The following CMC2 variants were observed in gnomAD, a reference collection of about 807,000 sequenced individuals.
CMC2 encodes the protein C-X9-C motif containing 2.
A neutral mutation model predicts 7.5 loss-of-function variants in CMC2; 5 were observed. The ratio of observed to expected loss-of-function variants is 0.66; its 90% CI spans 0.35 to 1.40. The LOEUF is 1.40. Among genes scored for constraint, CMC2 ranks in the 40% most tolerant of loss-of-function variants. The pLI is 0.04. For missense variants in CMC2, 115 were observed against 92.3 expected (o/e 1.25, Z -1.01); for synonymous variants, 37 against 31.4 (o/e 1.18, Z -0.60).
At chr16:80,983,669 A>G (rs770062455) in intron 2 of CMC2, 1 of 152,230 alleles carries the variant, frequency 6.6e-6, no homozygotes, top group Non-Finnish European at 1.5e-5. Flanking sequence ...CCCATTCAAA[A>G]TGTCACCAAA....
At chr16:80,980,697 C>A in intron 3 of CMC2, 1 of 561,234 alleles carries the variant, frequency 1.8e-6, no homozygotes, top group Non-Finnish European at 3.2e-6. Flanking sequence ...TGAGACCAGC[C>A]TGGCCAAAAC....
At chr16:80,984,329 C>A (rs796656541) in intron 2 of CMC2, among the ~76,000 whole-genome samples, 28 of 152,276 alleles carry the variant, frequency 1.8e-4, no homozygotes, top group African/African-American at 6.7e-4. Context: ...ATAATAAGCA[C>A]ATCTTTTCCT....
rs1452419005 is a variant in CMC2, at chr16:80,978,210, TACCTG to T, written c.154-2036_154-2032del. Reference sequence around the variant, plus strand: ...AAACGTATTCTAGAACAAGGAAGGATACCTGCTCTGAGAAAAAGCTTTCATATCTA... The same window carrying T: ...AAACGTATTCTAGAACAAGGAAGGATCTCTGAGAAAAAGCTTTCATATCTA... On this transcript the variant is annotated intron_variant, in intron 3 of 3. Coordinates refer to ENST00000219400, the MANE Select transcript of CMC2 (RefSeq NM_020188.5). The T allele has an allele frequency of 4.1e-6, 4 of 970,970 alleles. No individual in the cohort carries two copies. In the African/African-American group the frequency reaches 5.3e-5, roughly 13 times the overall value. 60.1% of individuals were successfully genotyped at this position (970,970 alleles called of 1,614,324 possible). A position where few individuals can be genotyped will look rare whatever the true frequency, so the allele number is the denominator to read the frequency against.
intron 3 of CMC2, among the ~76,000 whole-genome samples, chr16:80,978,996 G>A (rs1210048586): frequency 6.6e-6 from 1 of 152,090 alleles, no homozygotes; most frequent in East Asian, 1.9e-4. Context: ...CAGGAGAATG[G>A]CGTGAACCCG....
chr16:80,983,604 C>T (rs1010328187), intron 2 of CMC2: 1 of 152,380 alleles, frequency 6.6e-6, no homozygotes, highest in Middle Eastern at 3.4e-3. Flanking sequence ...AAACACTGTC[C>T]TGTAAAAGAG....
intron 2 of CMC2, among the ~76,000 whole-genome samples, chr16:80,992,510 T>C (rs1968080996): frequency 6.6e-6 from 1 of 152,216 alleles, no homozygotes; most frequent in Non-Finnish European, 1.5e-5. Context: ...GCCAACAGAA[T>C]GCGCTGTCAC....
At chr16:80,979,975 T>C (rs749414819) in intron 3 of CMC2, among the ~76,000 whole-genome samples, 2 of 151,644 alleles carry the variant, frequency 1.3e-5, no homozygotes, top group Non-Finnish European at 2.9e-5. Flanking sequence ...TGAAGCACTG[T>C]GGCGACCTAG....
rs917674621 is a variant in CMC2 at position 80,972,134 on chromosome 16, G to C, written c.*3959C>G. 2 of 152,298 alleles carry C rather than the reference G, an allele frequency of 1.3e-5. No homozygotes were observed. The highest frequency in any genetic ancestry group is 2.9e-5 in the Non-Finnish European group (2 of 68,126). 9.4% of individuals were successfully genotyped at this position (152,298 alleles called of 1,614,324 possible). A position where few individuals can be genotyped will look rare whatever the true frequency, so the allele number is the denominator to read the frequency against. Reference sequence around the variant, plus strand: ...ATCTGATACCAGAGGCAGGAGACTGGTAACAATAAAGCATCCCTTTGCTTT... The same window carrying C: ...ATCTGATACCAGAGGCAGGAGACTGCTAACAATAAAGCATCCCTTTGCTTT... On this transcript the variant is annotated 3_prime_UTR_variant, in exon 4 of 4. Transcript: ENST00000219400.
rs1248226391 is a variant in CMC2, at chr16:80,967,471, C to T, written c.*8622G>A. On this transcript the variant is annotated 3_prime_UTR_variant, in exon 4 of 4. Coordinates refer to ENST00000219400, the MANE Select transcript of CMC2 (RefSeq NM_020188.5). ...TCTCCCGCCTCAGCCTCCCAAGTAG[C>T]TGGGACTACAGGCGCCCACTACCAC... The T allele has an allele frequency of 6.6e-6, 1 of 152,418 alleles. No individual in the cohort carries two copies. The highest frequency in any genetic ancestry group is 1.9e-4 in the East Asian group (1 of 5,206). The allele number at this position is 152,418 out of a possible 1,614,324, so 9.4% of individuals were successfully genotyped here. A position where few individuals can be genotyped will look rare whatever the true frequency, so the allele number is the denominator to read the frequency against.
rs1172474804 is a variant in CMC2, at chr16:80,971,004, A to G, written c.*5089T>C. ...ACAAAAATTAGCAGGGCATGGTGGC[A>G]CATGCCTGTAGTCCCAGCCACTCAG... On this transcript the variant is annotated 3_prime_UTR_variant, in exon 4 of 4. Transcript: ENST00000219400. 1 of 152,126 alleles carries G rather than the reference A, an allele frequency of 6.6e-6. No individual in the cohort carries two copies. Among genetic ancestry groups the G allele is most frequent in the Non-Finnish European group, 1.5e-5 (1 of 68,030 alleles). The allele number at this position is 152,126 out of a possible 1,614,324, so 9.4% of individuals were successfully genotyped here. A position where few individuals can be genotyped will look rare whatever the true frequency, so the allele number is the denominator to read the frequency against.
chr16:81,001,065 G>A (rs1357769027), intron 1 of CMC2, among the ~76,000 whole-genome samples: 1 of 152,166 alleles, frequency 6.6e-6, no homozygotes, highest in Non-Finnish European at 1.5e-5. Context: ...GCAGCTGGAA[G>A]CCATTATCCT....
At chr16:81,006,625 C>G (rs1969369677) in intron 1 of CMC2, 109 bp downstream of exon 1, 1 of 847,522 alleles carries the variant, frequency 1.2e-6, no homozygotes, top group Non-Finnish European at 1.4e-6. Flanking sequence ...CTGGTCCCCA[C>G]CTCCTGGGGC....
In CMC2 at chr16:80,967,914, T is replaced by TG. The variant is rs1488738753; in HGVS notation, c.*8178_*8179insC. On this transcript the variant is annotated 3_prime_UTR_variant, in exon 4 of 4. Transcript: ENST00000219400. ...GACAACATACCATATTAACGCTTCC[T>TG]ATTTTTTTTTCAAATCACATTCTCA... The TG allele has an allele frequency of 1.1e-4, 17 of 152,174 alleles. No homozygotes were observed. The highest frequency in any genetic ancestry group is 4.1e-4 in the African/African-American group (17 of 41,440). 9.4% of individuals were successfully genotyped at this position (152,174 alleles called of 1,614,324 possible).
intron 3 of CMC2, among the ~76,000 whole-genome samples, chr16:80,980,133 T>C (rs995932463): frequency 4.0e-5 from 6 of 151,626 alleles, no homozygotes; most frequent in African/African-American, 1.5e-4. Context: ...TTGCCCAAGT[T>C]GGCCTCAAAG....
intron 2 of CMC2, 161 bp downstream of exon 2, chr16:80,997,153 A>C: frequency 1.6e-6 from 1 of 611,412 alleles, no homozygotes. Flanking sequence ...TTTGTGTAAA[A>C]AAAAGAAAAA....
Position 80,972,312 on chromosome 16 carries a change from A to G in CMC2, c.*3781T>C, listed in dbSNP as rs978246717. The G allele has an allele frequency of 5.9e-5, 9 of 152,194 alleles. No individual in the cohort carries two copies. The highest frequency in any genetic ancestry group is 1.9e-4 in the African/African-American group (8 of 41,436). 9.4% of individuals were successfully genotyped at this position (152,194 alleles called of 1,614,324 possible). A position where few individuals can be genotyped will look rare whatever the true frequency, so the allele number is the denominator to read the frequency against. On this transcript the variant is annotated 3_prime_UTR_variant, in exon 4 of 4. Coordinates refer to ENST00000219400, the MANE Select transcript of CMC2 (RefSeq NM_020188.5). ...CAAATTTCAATATCAGGGTTTCAAT[A>G]TCAGGGTGTAGTGAAAGGAGCAACT...
intron 2 of CMC2, among the ~76,000 whole-genome samples, chr16:80,996,480 G>A (rs1968424405): frequency 6.6e-6 from 1 of 152,132 alleles, no homozygotes; most frequent in Non-Finnish European, 1.5e-5. Flanking sequence ...TGATCTATAT[G>A]TATAGTGAAA....
rs1263036176 is a variant in CMC2, at chr16:80,966,572, T to C, written c.*9521A>G. 1 of 152,250 alleles carries C rather than the reference T, an allele frequency of 6.6e-6. No individual in the cohort carries two copies. The highest frequency in any genetic ancestry group is 2.4e-5 in the African/African-American group (1 of 41,464). The allele number at this position is 152,250 out of a possible 1,614,324, so 9.4% of individuals were successfully genotyped here. ...AACATCATAACTTTAAAACGTGATA[T>C]TTTATAATACCAATTTCAAAACAAT... On this transcript the variant is annotated 3_prime_UTR_variant, in exon 4 of 4. Transcript: ENST00000219400.
chr16:80,990,889 A>G (rs1286583785), intron 2 of CMC2, among the ~76,000 whole-genome samples: 4 of 151,754 alleles, frequency 2.6e-5, no homozygotes, highest in Non-Finnish European at 4.4e-5. Flanking sequence ...CTAGTGACAT[A>G]ATTTTTTTTA....
Sources: gnomAD v4.1 joint callset for allele counts (sites outside exome capture counted in the v4.1 genomes callset) on GRCh38, gnomAD v4.1.1 for gene constraint, MANE v1.5 for transcripts, NCBI Gene and HGNC (gene_info 2026-07-23, HGNC 2026-07-21) for gene names.